Variants in GRM1 observed in about 807,000 individuals in gnomAD.
GRM1 encodes the protein glutamate metabotropic receptor 1.
A neutral mutation model predicts 90.9 loss-of-function variants in GRM1; 33 were observed. The observed-to-expected ratio is 0.36, with a 90% CI of 0.28 to 0.49. GRM1 has a LOEUF of 0.49. Among genes scored for constraint, GRM1 ranks in the 20% least tolerant of loss-of-function variants. The pLI is 0.99. For synonymous variants in GRM1, 700 were observed against 613.2 expected, an observed-to-expected ratio of 1.14 and a Z score of -2.09; for missense variants, 1,190 against 1,534.3, an observed-to-expected ratio of 0.78 and a Z score of 3.75.
intron 7 of GRM1, among the ~76,000 whole-genome samples, chr6:146,409,042 G>A (rs1000223291): frequency 3.3e-5 from 5 of 152,072 alleles, no homozygotes; most frequent in Non-Finnish European, 4.4e-5. Context: ...AGTTATAGAC[G>A]ACAACTTAAG....
Position 146,144,029 on chromosome 6 carries a change from A to G in GRM1, c.701-15319A>G, listed in dbSNP as rs1377449729. ...CCTACTTGGGCTACCAAACAAAATT[A>G]TTACAGACTAGGAGGCTTAAACCAT... On this transcript the variant is annotated intron_variant, in intron 1 of 7. Coordinates refer to ENST00000282753, the MANE Select transcript of GRM1 (RefSeq NM_001278064.2). 2.6e-5 allele frequency among the ~76,000 whole-genome samples: 4 copies of G among 152,228 alleles called. No homozygotes were observed. In the East Asian group the frequency reaches 7.7e-4, roughly 29 times the overall value.
intron 5 of GRM1, among the ~76,000 whole-genome samples, chr6:146,382,322 T>TA (rs5880673): frequency 0.01 from 1,447 of 143,178 alleles, 19 homozygotes; most frequent in African/African-American, 0.035. Context: ...ACCTAAGATT[T>TA]AAAAAAAAAA....
intron 1 of GRM1, among the ~76,000 whole-genome samples, chr6:146,112,223 G>T (rs914720862): frequency 1.3e-5 from 2 of 150,906 alleles, no homozygotes; most frequent in African/African-American, 4.9e-5. Context: ...ATAATTCTCA[G>T]CTTGATCTAT....
intron 1 of GRM1, among the ~76,000 whole-genome samples, chr6:146,101,963 C>A (rs564777951): frequency 1.1e-4 from 16 of 151,910 alleles, no homozygotes; most frequent in African/African-American, 3.4e-4. Context: ...TTTTACAAAC[C>A]AGATATTATT....
intron 3 of GRM1, among the ~76,000 whole-genome samples, chr6:146,337,990 A>G (rs1784835867): frequency 2.0e-5 from 3 of 152,332 alleles, no homozygotes; most frequent in South Asian, 4.1e-4. Context: ...AATACATGCT[A>G]TGATTTTTCC....
At chr6:146,052,249 A>G (rs1775318115) in intron 1 of GRM1, among the ~76,000 whole-genome samples, 2 of 151,588 alleles carry the variant, frequency 1.3e-5, no homozygotes, top group Non-Finnish European at 2.9e-5. Flanking sequence ...ATTACATTCC[A>G]TTTTCTTAGT....
At chr6:146,100,643 C>T (rs1777019894) in intron 1 of GRM1, among the ~76,000 whole-genome samples, 1 of 152,110 alleles carries the variant, frequency 6.6e-6, no homozygotes, top group African/African-American at 2.4e-5. Flanking sequence ...CCTTAATTAC[C>T]ATAGCTTTAT....
At chr6:146,203,667 A>G (rs1390465835) in intron 2 of GRM1, among the ~76,000 whole-genome samples, 1 of 152,222 alleles carries the variant, frequency 6.6e-6, no homozygotes, top group African/African-American at 2.4e-5. Flanking sequence ...GGCACCCAAG[A>G]TAATCAGACT....
intron 2 of GRM1, among the ~76,000 whole-genome samples, chr6:146,230,058 A>G (rs1780390969): frequency 1.3e-5 from 2 of 152,220 alleles, no homozygotes; most frequent in South Asian, 4.1e-4. Context: ...TGGGAAAGTT[A>G]TGAAAAAATG....
At chr6:146,150,130 T>C (rs559882738) in intron 1 of GRM1, among the ~76,000 whole-genome samples, 1 of 152,240 alleles carries the variant, frequency 6.6e-6, no homozygotes, top group Non-Finnish European at 1.5e-5. Flanking sequence ...GTGAAAGTAA[T>C]AGGGGTTGTT....
intron 1 of GRM1, among the ~76,000 whole-genome samples, chr6:146,047,433 A>T (rs1283465994): frequency 6.6e-6 from 1 of 151,944 alleles, no homozygotes; most frequent in Non-Finnish European, 1.5e-5. Context: ...TTTAAGAAGG[A>T]TACAGGCAAA....
chr6:146,425,975 T>C (rs1179994380), intron 7 of GRM1, among the ~76,000 whole-genome samples: 3 of 152,132 alleles, frequency 2.0e-5, no homozygotes. Context: ...AGCTAGGGAA[T>C]GAGATGATAT....
At chr6:146,409,444 G>T (rs895649418) in intron 7 of GRM1, among the ~76,000 whole-genome samples, 1 of 152,146 alleles carries the variant, frequency 6.6e-6, no homozygotes, top group African/African-American at 2.4e-5. Flanking sequence ...AGTCAACTAA[G>T]TTTAAAAGCC....
chr6:146,437,489 G>A lies in GRM1; in HGVS notation c.*2693G>A, dbSNP rs1293607942. The A allele has an allele frequency of 3.9e-5, 6 of 152,582 alleles. No individual in the cohort carries two copies. In the East Asian group the frequency reaches 1.2e-3, roughly 29 times the overall value. The allele number at this position is 152,582 out of a possible 1,614,324, so 9.5% of individuals were successfully genotyped here. On this transcript the variant is annotated 3_prime_UTR_variant, in exon 8 of 8. Transcript: ENST00000282753. ...GCCGAAACTCTTCACCTTGATGTAT[G>A]TTCTGATACAAGTTGTTCAGCTTCT...
At chr6:146,369,600 T>C (rs1562644915) in intron 5 of GRM1, among the ~76,000 whole-genome samples, 1 of 152,100 alleles carries the variant, frequency 6.6e-6, no homozygotes, top group Non-Finnish European at 1.5e-5. Flanking sequence ...TAGCGTGTCA[T>C]TTATTTTCCC....
intron 2 of GRM1, among the ~76,000 whole-genome samples, chr6:146,294,960 T>C (rs1268433521): frequency 6.6e-6 from 1 of 151,806 alleles, no homozygotes; most frequent in Non-Finnish European, 1.5e-5. Context: ...TCGATGTTTT[T>C]CTTTTTAATT....
intron 2 of GRM1, among the ~76,000 whole-genome samples, chr6:146,274,208 G>GA (rs567015821): frequency 1.6e-4 from 24 of 152,146 alleles, no homozygotes; most frequent in Non-Finnish European, 3.1e-4. Context: ...AAAACTTGGG[G>GA]AAAAATGGCA....
At chr6:146,277,809 G>T (rs1331593740) in intron 2 of GRM1, among the ~76,000 whole-genome samples, 1 of 152,120 alleles carries the variant, frequency 6.6e-6, no homozygotes, top group Non-Finnish European at 1.5e-5. Context: ...CCAAAGTATG[G>T]TTCAAGACAG....
intron 7 of GRM1, among the ~76,000 whole-genome samples, chr6:146,411,136 G>A (rs1334721920): frequency 6.6e-6 from 1 of 152,164 alleles, no homozygotes; most frequent in Non-Finnish European, 1.5e-5. Context: ...GACAATACAA[G>A]CATAGTGAGT....
Sources: allele counts gnomAD v4.1 joint callset (sites outside exome capture counted in the v4.1 genomes callset), GRCh38; gene constraint gnomAD v4.1.1; transcripts MANE v1.5; gene names NCBI Gene and HGNC (gene_info 2026-07-23, HGNC 2026-07-21).